Variants in CBFA2T2 observed in about 807,000 individuals in gnomAD.
The protein encoded by CBFA2T2 is protein CBFA2T2.
A neutral mutation model predicts 62.2 loss-of-function variants in CBFA2T2; 11 were observed. The observed-to-expected ratio is 0.18, with a 90% CI of 0.11 to 0.29. The LOEUF is 0.29. CBFA2T2 is among the 10% of genes least tolerant of loss of function. The pLI, the probability that CBFA2T2 is intolerant of heterozygous loss-of-function variation, is 1.00. For missense variants in CBFA2T2, 592 were observed against 774.1 expected, an observed-to-expected ratio of 0.76 and a Z score of 2.79; for synonymous variants, 295 against 287.5, an observed-to-expected ratio of 1.03 and a Z score of -0.27.
At position 33,619,580 on chromosome 20, in the gene CBFA2T2, C is replaced by T. The variant is rs267605890; in HGVS notation, c.484C>T (p.Arg162Cys). The T allele has an allele frequency of 6.2e-7, 1 of 1,607,338 alleles. No homozygotes were observed. Among genetic ancestry groups the T allele is most frequent in the Non-Finnish European group, 8.5e-7 (1 of 1,176,328 alleles). ...CCAAGAAGCCACAAACTTTCCCCTTCGTCCTTTTGTGATTCCATTTCTCAA... is the reference window on the plus strand; with the variant it reads ...CCAAGAAGCCACAAACTTTCCCCTTTGTCCTTTTGTGATTCCATTTCTCAA... ...KLQEATNFPL[R>C]PFVIPFLKAN... The change falls in exon 4 of 11, where the codon CGT becomes TGT. Residue 162 changes from arginine (R) to cysteine (C), a missense_variant. By Grantham distance (180) the Arg-to-Cys change is radical. Around this residue, in one of 3 missense-constraint regions of CBFA2T2, gnomAD observed 449 missense variants for 551.2 expected, o/e 0.81. Transcript: ENST00000342704.
intron 1 of CBFA2T2, among the ~76,000 whole-genome samples, chr20:33,557,898 C>T (rs778565209): frequency 1.3e-5 from 2 of 151,828 alleles, no homozygotes; most frequent in Admixed American, 6.6e-5. Flanking sequence ...TGCAGTGGCG[C>T]GATCTCGGCT....
At chr20:33,614,498 C>T (rs2015635678) in intron 3 of CBFA2T2, among the ~76,000 whole-genome samples, 1 of 152,160 alleles carries the variant, frequency 6.6e-6, no homozygotes, top group African/African-American at 2.4e-5. Flanking sequence ...CAACCATCAT[C>T]ACCATCCATC....
chr20:33,599,830 G>A (rs1404627989), intron 1 of CBFA2T2, among the ~76,000 whole-genome samples: 1 of 152,132 alleles, frequency 6.6e-6, no homozygotes, highest in Non-Finnish European at 1.5e-5. Context: ...CTGACCTCAG[G>A]TGATCCACCC....
chr20:33,580,295 T>G (rs1339260588), intron 1 of CBFA2T2, among the ~76,000 whole-genome samples: 1 of 152,178 alleles, frequency 6.6e-6, no homozygotes, highest in African/African-American at 2.4e-5. Context: ...GTAAGAAATA[T>G]CTAATAGTTG....
chr20:33,576,659 C>T (rs891673649), intron 1 of CBFA2T2, among the ~76,000 whole-genome samples: 8 of 152,254 alleles, frequency 5.3e-5, no homozygotes, highest in Non-Finnish European at 1.2e-4. Flanking sequence ...CTGGGCACAG[C>T]CCAGAGTGCT....
At chr20:33,516,249 C>G (rs1264007031) in intron 1 of CBFA2T2, among the ~76,000 whole-genome samples, 1 of 152,192 alleles carries the variant, frequency 6.6e-6, no homozygotes, top group Admixed American at 6.6e-5. Flanking sequence ...GCGGGCAGAT[C>G]ACCTGAGATC....
intron 1 of CBFA2T2, among the ~76,000 whole-genome samples, chr20:33,578,288 TG>T (rs1483040100): frequency 6.6e-6 from 1 of 152,218 alleles, no homozygotes; most frequent in African/African-American, 2.4e-5. Context: ...TTAGTTTCCT[TG>T]GTTTTTAAAA....
chr20:33,632,052 T>TTTTG (rs1028551557), intron 8 of CBFA2T2, among the ~76,000 whole-genome samples: 1 of 152,108 alleles, frequency 6.6e-6, no homozygotes, highest in Non-Finnish European at 1.5e-5. Context: ...GTTTGTTCGT[T>TTTTG]TTTGTTTGTT....
chr20:33,554,567 TCTTTTCTTTTCTTTC>T (rs2012835429), intron 1 of CBFA2T2, among the ~76,000 whole-genome samples: 1 of 150,532 alleles, frequency 6.6e-6, no homozygotes, highest in Non-Finnish European at 1.5e-5. Context: ...TTTTTTCTTT[TCTTTTCTTTTCTTTC>T]CTTTTCCTTT....
At chr20:33,631,912 A>G (rs2016467730) in intron 8 of CBFA2T2, among the ~76,000 whole-genome samples, 1 of 152,246 alleles carries the variant, frequency 6.6e-6, no homozygotes, top group Non-Finnish European at 1.5e-5. Flanking sequence ...TATCCTAAAT[A>G]AATGTACTAT....
intron 3 of CBFA2T2, among the ~76,000 whole-genome samples, chr20:33,612,448 T>C (rs1219866682): frequency 2.0e-5 from 3 of 152,224 alleles, no homozygotes; most frequent in Non-Finnish European, 4.4e-5. Context: ...TCCAGGATCC[T>C]TTCTGGAGAT....
intron 3 of CBFA2T2, among the ~76,000 whole-genome samples, chr20:33,617,342 C>T (rs1049582683): frequency 6.6e-6 from 1 of 152,198 alleles, no homozygotes; most frequent in Non-Finnish European, 1.5e-5. Flanking sequence ...CCTCTTTTCC[C>T]ACTAGACTAT....
intron 9 of CBFA2T2, chr20:33,639,604 G>T (rs550525939): frequency 6.7e-6 from 1 of 150,316 alleles, no homozygotes; most frequent in Non-Finnish European, 1.5e-5. Flanking sequence ...AGTTCAAGCC[G>T]GGGGTGGTGC....
intron 1 of CBFA2T2, among the ~76,000 whole-genome samples, chr20:33,526,836 G>A (rs564768976): frequency 6.6e-6 from 1 of 152,268 alleles, no homozygotes; most frequent in South Asian, 2.1e-4. Context: ...CAGTTTGTGT[G>A]GTTGGAAGCC....
intron 1 of CBFA2T2, among the ~76,000 whole-genome samples, chr20:33,537,516 T>G (rs1044508165): frequency 1.4e-4 from 21 of 151,766 alleles, no homozygotes; most frequent in African/African-American, 4.6e-4. Context: ...GTGGTGAGAG[T>G]GAGAGGGAGA....
In CBFA2T2 at chr20:33,623,181, C is replaced by G; in HGVS notation, c.577C>G (p.Gln193Glu). Residue 193 changes from glutamine (Q) to glutamate (E), a missense_variant, in exon 5 of 11, where the codon CAG becomes GAG. By Grantham distance (29) the Gln-to-Glu change is conservative (BLOSUM62 2). Coordinates refer to ENST00000342704, the MANE Select transcript of CBFA2T2 (RefSeq NM_001032999.3). Reference protein sequence around the residue: ...CARAAKQTPSQYLAQHEHLLL... With the variant: ...CARAAKQTPSEYLAQHEHLLL... ...TCGGGCGGCCAAGCAGACCCCATCCCAGTACCTGGCTCAGCACGAACACCT... is the reference window on the plus strand; with the variant it reads ...TCGGGCGGCCAAGCAGACCCCATCCGAGTACCTGGCTCAGCACGAACACCT... 6.2e-7 allele frequency: 1 copy of G among 1,614,266 alleles called. No individual in the cohort carries two copies. The highest frequency in any genetic ancestry group is 8.5e-7 in the Non-Finnish European group (1 of 1,180,048).
intron 3 of CBFA2T2, among the ~76,000 whole-genome samples, chr20:33,612,570 G>A (rs1158866848): frequency 6.6e-6 from 1 of 151,880 alleles, no homozygotes; most frequent in African/African-American, 2.4e-5. Flanking sequence ...TATTATGCTA[G>A]ATATTAAAGA....
intron 1 of CBFA2T2, among the ~76,000 whole-genome samples, chr20:33,529,340 C>T (rs1157253220): frequency 6.6e-6 from 1 of 151,980 alleles, no homozygotes; most frequent in African/African-American, 2.4e-5. Context: ...GTTATTTTTA[C>T]CTTACGACAT....
chr20:33,604,275 C>A (rs1295016427), intron 1 of CBFA2T2, among the ~76,000 whole-genome samples: 1 of 152,184 alleles, frequency 6.6e-6, no homozygotes, highest in African/African-American at 2.4e-5. Context: ...GTTAATTAAG[C>A]ACCTTCTGTA....
Sources: allele counts gnomAD v4.1 joint callset (sites outside exome capture counted in the v4.1 genomes callset), GRCh38; gene constraint gnomAD v4.1.1; regional missense constraint gnomAD v4.1.1; transcripts MANE v1.5; gene names NCBI Gene and HGNC (gene_info 2026-07-23, HGNC 2026-07-21).